Variants in LIMCH1 observed in about 807,000 individuals in gnomAD.
LIMCH1 encodes LIM and calponin homology domains-containing protein 1.
A neutral mutation model predicts 176.5 loss-of-function variants in LIMCH1; 113 were observed. The ratio of observed to expected loss-of-function variants is 0.64; its 90% CI spans 0.55 to 0.75. The LOEUF is 0.75. Among genes scored for constraint, LIMCH1 ranks in the 30% least tolerant of loss-of-function variants. LIMCH1 has a pLI of 0.00. For missense variants in LIMCH1, 1,674 were observed against 1,814.9 expected, an observed-to-expected ratio of 0.92 and a Z score of 1.41; for synonymous variants, 619 against 645.9, an observed-to-expected ratio of 0.96 and a Z score of 0.63.
intron 1 of LIMCH1, among the ~76,000 whole-genome samples, chr4:41,383,821 C>G (rs1285923858): frequency 1.3e-5 from 2 of 152,100 alleles, no homozygotes; most frequent in East Asian, 1.9e-4. Context: ...CTGTAGGGCT[C>G]TCTCTGTGAA....
In LIMCH1 at chr4:41,446,881, C is replaced by A. The variant is rs2063339313; in HGVS notation, c.97-47655C>A. ...TGTGTGTGATTCTGAGTTAAAGATT[C>A]TGGTATAGATCAGTGTCGTGGAGAC... On this transcript the variant is annotated intron_variant, in intron 1 of 26. Transcript: ENST00000313860. Among the ~76,000 whole-genome samples, 3 of 152,096 alleles carry A rather than the reference C, an allele frequency of 2.0e-5. No homozygotes were observed. In the South Asian group the frequency reaches 6.2e-4, roughly 32 times the overall value.
intron 1 of LIMCH1, among the ~76,000 whole-genome samples, chr4:41,465,267 G>T (rs1216946766): frequency 6.6e-6 from 1 of 152,006 alleles, no homozygotes; most frequent in Non-Finnish European, 1.5e-5. Flanking sequence ...CCAGTCTTGT[G>T]GGGGCTGGTT....
At chr4:41,434,060 G>A (rs961407649) in intron 1 of LIMCH1, among the ~76,000 whole-genome samples, 1 of 149,376 alleles carries the variant, frequency 6.7e-6, no homozygotes, top group African/African-American at 2.4e-5. Flanking sequence ...TGACATAAGA[G>A]GACAAAATGG....
chr4:41,362,248 C>T (rs972283258), intron 1 of LIMCH1, among the ~76,000 whole-genome samples: 2 of 152,196 alleles, frequency 1.3e-5, no homozygotes, highest in Non-Finnish European at 2.9e-5. Flanking sequence ...GTTCAAGAAA[C>T]AGAACAATGA....
At chr4:41,536,244 G>A (rs750418679), upstream of LIMCH1, among the ~76,000 whole-genome samples, 15 of 152,176 alleles carry the variant, frequency 9.9e-5, no homozygotes, top group Non-Finnish European at 1.8e-4. Flanking sequence ...TGAAGTATGA[G>A]ACCATGCTAG....
intron 2 of LIMCH1, among the ~76,000 whole-genome samples, chr4:41,511,933 T>TA (rs2074974533): frequency 6.6e-6 from 1 of 152,236 alleles, no homozygotes; most frequent in African/African-American, 2.4e-5. Flanking sequence ...ATATCAAAAT[T>TA]AAAAACTTTT....
intron 3 of LIMCH1, among the ~76,000 whole-genome samples, chr4:41,529,495 C>T (rs1342662286): frequency 2.6e-5 from 4 of 152,078 alleles, no homozygotes; most frequent in South Asian, 2.1e-4. Context: ...GACAATTTTA[C>T]GTCTTAGATG....
At chr4:41,604,002 T>C in intron 3 of LIMCH1, 97 bp downstream of exon 3, 2 of 1,114,508 alleles carry the variant, frequency 1.8e-6, no homozygotes, top group Admixed American at 2.1e-5. Context: ...AAAAAGTCCT[T>C]AGAAAAAAGT....
intron 14 of LIMCH1, 87 bp from the exon 15 acceptor site, chr4:41,644,413 G>T (rs958402733): frequency 1.0e-5 from 14 of 1,390,168 alleles, no homozygotes; most frequent in Admixed American, 3.2e-5. Context: ...GCCCGGTAGC[G>T]CCCCCACGCG....
intron 3 of LIMCH1, among the ~76,000 whole-genome samples, chr4:41,605,155 A>G (rs906500343): frequency 3.9e-5 from 6 of 152,196 alleles, no homozygotes; most frequent in African/African-American, 1.4e-4. Flanking sequence ...CTTTGGAAAT[A>G]CAGAACAAAA....
Position 41,595,072 on chromosome 4 carries a change from A to G in LIMCH1, c.-240-3848A>G, listed in dbSNP as rs143067404. Among the ~76,000 whole-genome samples, 48 of 152,330 alleles carry G rather than the reference A, an allele frequency of 3.2e-4. No homozygotes were observed. The East Asian group carries it at 7.5e-3, about 24-fold the overall frequency. On this transcript the variant is annotated intron_variant, in intron 1 of 31. Transcript: ENST00000503057. ...TTGGTTTGGAGTTGCCTCATGGGGT[A>G]AAGGGTTTATTTACTGTTCCTGAAT... is the stretch of plus-strand genomic sequence containing the variant.
At chr4:41,413,684 C>T (rs1222350511) in intron 1 of LIMCH1, among the ~76,000 whole-genome samples, 1 of 152,048 alleles carries the variant, frequency 6.6e-6, no homozygotes. Flanking sequence ...AGAGAAATGG[C>T]AAGATGTTAA....
chr4:41,370,845 G>T (rs2053853849), intron 1 of LIMCH1, among the ~76,000 whole-genome samples: 1 of 152,166 alleles, frequency 6.6e-6, no homozygotes, highest in Non-Finnish European at 1.5e-5. Context: ...CCAGCACAGT[G>T]CCTGATATAT....
intron 1 of LIMCH1, among the ~76,000 whole-genome samples, chr4:41,556,263 T>C (rs970690447): frequency 6.6e-6 from 1 of 151,860 alleles, no homozygotes; most frequent in African/African-American, 2.4e-5. Context: ...GGCATGGTGG[T>C]GCACATCTGT....
chr4:41,638,775 A>G (rs762410876), intron 13 of LIMCH1, among the ~76,000 whole-genome samples, 157 bp from the exon 14 acceptor site: 2 of 152,212 alleles, frequency 1.3e-5, no homozygotes, highest in Non-Finnish European at 2.9e-5. Flanking sequence ...TCAGCAGCCA[A>G]TGAATATTGC....
chr4:41,591,641 C>T (rs2087589089), intron 1 of LIMCH1, among the ~76,000 whole-genome samples: 1 of 150,802 alleles, frequency 6.6e-6, no homozygotes, highest in Non-Finnish European at 1.5e-5. Context: ...ATATTTTCCA[C>T]CTAGTCTTTT....
chr4:41,613,247 A>C, intron 4 of LIMCH1: 1 of 885,696 alleles, frequency 1.1e-6, no homozygotes, highest in Non-Finnish European at 1.8e-6. Context: ...TTTAAAAAAA[A>C]CGTTGTGCAT....
At chr4:41,501,962 G>A (rs1198783766) in intron 2 of LIMCH1, among the ~76,000 whole-genome samples, 1 of 141,622 alleles carries the variant, frequency 7.1e-6, no homozygotes, top group African/African-American at 2.6e-5. Flanking sequence ...ATAGGTAAAT[G>A]TGTGCCATGG....
chr4:41,511,597 G>T (rs1369860932), intron 2 of LIMCH1, among the ~76,000 whole-genome samples: 1 of 152,194 alleles, frequency 6.6e-6, no homozygotes, highest in Non-Finnish European at 1.5e-5. Context: ...TACTGACAGC[G>T]ACTCACCCAT....
Sources: gnomAD v4.1 joint callset for allele counts (sites outside exome capture counted in the v4.1 genomes callset) on GRCh38, gnomAD v4.1.1 for gene constraint, MANE v1.5 for transcripts, NCBI Gene and HGNC (gene_info 2026-07-23, HGNC 2026-07-21) for gene names.